Variants in NLGN1 observed in about 807,000 individuals in gnomAD.
NLGN1 encodes neuroligin-1.
In NLGN1, 12 loss-of-function variants were observed where a neutral mutation model predicts 65.5. The observed-to-expected ratio is 0.18, with a 90% CI of 0.12 to 0.30. NLGN1 has a LOEUF of 0.30. NLGN1 is among the 10% of genes least tolerant of loss of function. NLGN1 has a pLI of 1.00. For missense variants in NLGN1, 750 were observed against 1,007.1 expected (o/e 0.74, Z 3.46); for synonymous variants, 350 against 359.5 (o/e 0.97, Z 0.30).
Position 173,739,841 on chromosome 3 carries a change from A to T in NLGN1, c.494-67839A>T, listed in dbSNP as rs146981798. On this transcript the variant is annotated intron_variant, in intron 3 of 6. Coordinates refer to ENST00000457714, the Ensembl canonical transcript of NLGN1. The stretch of plus-strand genomic sequence containing the variant: ...GGTTGTAAATGCGCTTCTACTTTGC[A>T]TGGCAAGATAATGCCCATGGAAATT... 1.5e-3 allele frequency among the ~76,000 whole-genome samples: 228 copies of T among 152,288 alleles called. 2 individuals carry two copies. The highest frequency in any genetic ancestry group is 5.1e-3 in the African/African-American group (214 of 41,580).
At chr3:173,627,878 C>T (rs1453335716) in intron 3 of NLGN1, among the ~76,000 whole-genome samples, 2 of 151,656 alleles carry the variant, frequency 1.3e-5, no homozygotes, top group African/African-American at 2.4e-5. Context: ...AAAAAAAAAG[C>T]TATTCCTGAA....
intron 4 of NLGN1, among the ~76,000 whole-genome samples, chr3:174,148,811 T>G (rs988706498): frequency 2.0e-5 from 3 of 152,198 alleles, no homozygotes; most frequent in African/African-American, 7.2e-5. Context: ...CCCTAGTATG[T>G]GCATGATACA....
At chr3:173,750,218 G>C (rs1776130674) in intron 3 of NLGN1, among the ~76,000 whole-genome samples, 1 of 151,940 alleles carries the variant, frequency 6.6e-6, no homozygotes, top group Non-Finnish European at 1.5e-5. Flanking sequence ...TTATAGCCCT[G>C]CTCATTATTT....
At chr3:174,167,118 G>C (rs534391289) in intron 4 of NLGN1, among the ~76,000 whole-genome samples, 2 of 152,190 alleles carry the variant, frequency 1.3e-5, no homozygotes, top group East Asian at 3.9e-4. Flanking sequence ...AGAAAGATGA[G>C]TCTTGTTATT....
intron 2 of NLGN1, among the ~76,000 whole-genome samples, chr3:173,480,503 A>G (rs1399075304): frequency 6.6e-6 from 1 of 152,192 alleles, no homozygotes; most frequent in Admixed American, 6.6e-5. Context: ...AAAAAGAGGA[A>G]TAGATCCAAG....
intron 2 of NLGN1, among the ~76,000 whole-genome samples, chr3:173,562,629 A>G (rs1444804242): frequency 6.6e-6 from 1 of 152,058 alleles, no homozygotes; most frequent in Admixed American, 6.5e-5. Context: ...AAGTACGTTT[A>G]TATGTCACCT....
intron 2 of NLGN1, among the ~76,000 whole-genome samples, chr3:173,585,840 AT>A (rs1747346021): frequency 6.6e-6 from 1 of 151,954 alleles, no homozygotes; most frequent in Non-Finnish European, 1.5e-5. Flanking sequence ...GAATTCAGGA[AT>A]TTTTTTCTTT....
intron 4 of NLGN1, among the ~76,000 whole-genome samples, chr3:174,266,021 T>A (rs1748133026): frequency 7.8e-6 from 1 of 128,892 alleles, no homozygotes; most frequent in Non-Finnish European, 1.6e-5. Context: ...TGCATATATA[T>A]GTGTGTGTGT....
chr3:173,653,553 A>T (rs1296110845), intron 3 of NLGN1, among the ~76,000 whole-genome samples: 1 of 152,188 alleles, frequency 6.6e-6, no homozygotes, highest in Non-Finnish European at 1.5e-5. Flanking sequence ...ATTGACAAAA[A>T]TGTTAGCCCC....
intron 4 of NLGN1, among the ~76,000 whole-genome samples, chr3:173,832,377 A>C (rs1008601722): frequency 6.6e-6 from 1 of 152,200 alleles, no homozygotes; most frequent in Non-Finnish European, 1.5e-5. Context: ...CTTTCCTTAT[A>C]TTAACTATTG....
intron 1 of NLGN1, among the ~76,000 whole-genome samples, chr3:173,415,904 T>TATATATATATATATATAGAGAG (rs1380777305): frequency 1.6e-5 from 2 of 125,454 alleles, no homozygotes; most frequent in African/African-American, 6.6e-5. Context: ...TATATATATA[T>TATATATATATATATATAGAGAG]AGAGAGAGAG....
At chr3:173,669,262 T>A (rs1362686983) in intron 3 of NLGN1, among the ~76,000 whole-genome samples, 1 of 152,188 alleles carries the variant, frequency 6.6e-6, no homozygotes, top group Non-Finnish European at 1.5e-5. Context: ...TGTTTTATAT[T>A]GTTTCTATTA....
intron 4 of NLGN1, among the ~76,000 whole-genome samples, chr3:174,129,844 A>T (rs1719792469): frequency 6.6e-6 from 1 of 152,234 alleles, no homozygotes; most frequent in Non-Finnish European, 1.5e-5. Flanking sequence ...ATAATTTTTC[A>T]CCCTCTGATC....
intron 4 of NLGN1, among the ~76,000 whole-genome samples, chr3:174,200,815 T>C (rs1342418167): frequency 6.6e-6 from 1 of 152,186 alleles, no homozygotes; most frequent in Non-Finnish European, 1.5e-5. Flanking sequence ...TCCTCCACTA[T>C]ATATTTTCCT....
chr3:174,282,047 G>A (rs1751599942), exon 7 of NLGN1: 1 of 152,188 alleles, frequency 6.6e-6, no homozygotes, highest in Admixed American at 6.6e-5. Flanking sequence ...AGATTTTAAG[G>A]GGCAAAAGTA....
chr3:174,187,265 C>A (rs1032046052), intron 4 of NLGN1, among the ~76,000 whole-genome samples: 3 of 151,890 alleles, frequency 2.0e-5, no homozygotes, highest in Admixed American at 6.6e-5. Flanking sequence ...TTTTGACCCC[C>A]ATATTAGGAG....
chr3:173,917,708 C>A (rs972354883), intron 4 of NLGN1, among the ~76,000 whole-genome samples: 1 of 152,138 alleles, frequency 6.6e-6, no homozygotes, highest in South Asian at 2.1e-4. Context: ...GGCAGAAATT[C>A]TGGAGAAATT....
intron 4 of NLGN1, among the ~76,000 whole-genome samples, chr3:174,010,439 A>G (rs909814361): frequency 6.6e-6 from 1 of 152,208 alleles, no homozygotes; most frequent in African/African-American, 2.4e-5. Flanking sequence ...TTCAAGATAT[A>G]CTACAAAATA....
intron 4 of NLGN1, among the ~76,000 whole-genome samples, chr3:174,107,058 C>T (rs1714092333): frequency 8.4e-6 from 1 of 119,026 alleles, no homozygotes; most frequent in East Asian, 2.7e-4. Flanking sequence ...AGAGAAATAA[C>T]TCTTTACCGT....
Sources: allele counts gnomAD v4.1 joint callset (sites outside exome capture counted in the v4.1 genomes callset), GRCh38; gene constraint gnomAD v4.1.1; transcripts MANE v1.5; gene names NCBI Gene and HGNC (gene_info 2026-07-23, HGNC 2026-07-21).